The following WDR70 variants were observed in gnomAD, a reference collection of about 807,000 sequenced individuals.
WDR70 encodes WD repeat domain 70, also known as WD repeat-containing protein 70.
A neutral mutation model predicts 88.6 loss-of-function variants in WDR70; 53 were observed. That is an observed-to-expected ratio of 0.60 (90% confidence interval 0.48 to 0.75). The LOEUF is 0.75. WDR70 is among the 30% of genes least tolerant of loss of function. The probability of loss-of-function intolerance (pLI) is 0.00; values close to 1 mark genes in which losing one functional copy is unlikely to be tolerated. For synonymous variants in WDR70, 280 were observed against 270.0 expected (o/e 1.04, Z -0.36); for missense variants, 610 against 823.2 (o/e 0.74, Z 3.17).
chr5:37,443,197 T>C (rs1461316785), intron 6 of WDR70, 42 bp from the exon 7 acceptor site: 1 of 1,550,264 alleles, frequency 6.5e-7, no homozygotes, highest in Non-Finnish European at 8.7e-7. Flanking sequence ...TGACCATATG[T>C]CATTTTGCTC....
At chr5:37,569,457 C>T (rs1255732271) in intron 9 of WDR70, among the ~76,000 whole-genome samples, 1 of 152,234 alleles carries the variant, frequency 6.6e-6, no homozygotes, top group South Asian at 2.1e-4. Flanking sequence ...TGCAAATAAT[C>T]GTTTTTGTTG....
chr5:37,734,556 A>G (rs1748243576), intron 17 of WDR70, among the ~76,000 whole-genome samples: 1 of 152,180 alleles, frequency 6.6e-6, no homozygotes, highest in African/African-American at 2.4e-5. Context: ...TAAGAAGAAA[A>G]CTAAAAGAGG....
At chr5:37,743,970 C>A (rs570535092) in intron 17 of WDR70, among the ~76,000 whole-genome samples, 47 of 152,280 alleles carry the variant, frequency 3.1e-4, no homozygotes, top group African/African-American at 1.0e-3. Context: ...CTGGGTGAGA[C>A]CCTCCAACAG....
intron 17 of WDR70, among the ~76,000 whole-genome samples, chr5:37,746,420 T>C (rs1326517617): frequency 6.6e-6 from 1 of 151,550 alleles, no homozygotes; most frequent in East Asian, 1.9e-4. Flanking sequence ...AAGAAATAAC[T>C]AAGAGAAGAA....
intron 8 of WDR70, among the ~76,000 whole-genome samples, chr5:37,510,076 C>T (rs919495182): frequency 7.3e-5 from 11 of 150,078 alleles, no homozygotes; most frequent in African/African-American, 2.7e-4. Flanking sequence ...TAAACAAACA[C>T]TCCCCCCCCC....
chr5:37,692,336 A>T (rs911496766), intron 10 of WDR70, among the ~76,000 whole-genome samples: 2 of 152,196 alleles, frequency 1.3e-5, no homozygotes, highest in East Asian at 3.8e-4. Context: ...CAATCAATGG[A>T]AAAAGAGGGA....
intron 10 of WDR70, among the ~76,000 whole-genome samples, chr5:37,664,230 T>G (rs991023926): frequency 6.6e-6 from 1 of 152,208 alleles, no homozygotes; most frequent in Non-Finnish European, 1.5e-5. Flanking sequence ...AATACTCTTA[T>G]GACAATATTA....
At chr5:37,699,432 T>A (rs960552768) in intron 11 of WDR70, among the ~76,000 whole-genome samples, 1 of 108,158 alleles carries the variant, frequency 9.2e-6, no homozygotes, top group Non-Finnish European at 2.1e-5. Context: ...CACACTAGCT[T>A]TTGGATAACT....
chr5:37,581,895 T>A (rs1743227505), intron 9 of WDR70, among the ~76,000 whole-genome samples: 1 of 152,228 alleles, frequency 6.6e-6, no homozygotes, highest in Admixed American at 6.5e-5. Flanking sequence ...TGCTGAATAT[T>A]AGGGGGCATG....
chr5:37,528,903 AGG>A (rs746669315), intron 9 of WDR70, among the ~76,000 whole-genome samples: 6,932 of 86,954 alleles, frequency 0.08, 219 homozygotes, highest in South Asian at 0.11. Flanking sequence ...CAATGTCTAG[AGG>A]GGGTTTTTTT....
intron 9 of WDR70, among the ~76,000 whole-genome samples, chr5:37,591,170 T>C (rs1214014555): frequency 1.3e-5 from 2 of 152,006 alleles, no homozygotes; most frequent in Admixed American, 1.3e-4. Flanking sequence ...CTATCTCTTC[T>C]AAAAATACAA....
chr5:37,543,386 G>A (rs1241626549), intron 9 of WDR70, among the ~76,000 whole-genome samples: 2 of 152,038 alleles, frequency 1.3e-5, no homozygotes, highest in African/African-American at 2.4e-5. Flanking sequence ...ATGTTTTTTT[G>A]TTCTTAGAAG....
At chr5:37,712,685 TA>T (rs949249266) in intron 13 of WDR70, among the ~76,000 whole-genome samples, 21 of 151,628 alleles carry the variant, frequency 1.4e-4, no homozygotes, top group Middle Eastern at 3.4e-3. Context: ...ATTATCTCTT[TA>T]AAAAAAAACT....
rs575505732 is a variant in WDR70, at chr5:37,556,545, G to T, written c.917+39955G>T. Reference sequence around the variant, plus strand: ...CTTGATCTTAAGCAAACTTACTAATGATGTTTGAAATACCAAATGCTTTAT... The same window carrying T: ...CTTGATCTTAAGCAAACTTACTAATTATGTTTGAAATACCAAATGCTTTAT... On this transcript the variant is annotated intron_variant, in intron 9 of 17. Transcript: ENST00000265107. Among the ~76,000 whole-genome samples, 13 of 152,224 alleles carry T rather than the reference G, an allele frequency of 8.5e-5. No homozygotes were observed. In the South Asian group the frequency reaches 2.7e-3, roughly 32 times the overall value.
chr5:37,713,709 C>T (rs1053808819), intron 13 of WDR70, among the ~76,000 whole-genome samples: 1 of 152,056 alleles, frequency 6.6e-6, no homozygotes, highest in African/African-American at 2.4e-5. Flanking sequence ...TAAAAATGTT[C>T]AGAATGATAC....
At chr5:37,653,955 C>T (rs1745479696) in intron 10 of WDR70, among the ~76,000 whole-genome samples, 1 of 152,016 alleles carries the variant, frequency 6.6e-6, no homozygotes, top group South Asian at 2.1e-4. Context: ...CAGTTTTGCT[C>T]TGATCTTAGT....
chr5:37,585,560 A>G (rs1181491811), intron 9 of WDR70, among the ~76,000 whole-genome samples: 1 of 152,220 alleles, frequency 6.6e-6, no homozygotes, highest in Non-Finnish European at 1.5e-5. Flanking sequence ...AATTTGTACT[A>G]TTAGATGCAC....
chr5:37,432,563 A>AT (rs148199087), intron 5 of WDR70, among the ~76,000 whole-genome samples: 1,985 of 140,744 alleles, frequency 0.014, 41 homozygotes, highest in African/African-American at 0.041. Context: ...TAATTTTTGT[A>AT]TTTTTTTTTT....
At chr5:37,622,691 T>G (rs1258845038) in intron 10 of WDR70, among the ~76,000 whole-genome samples, 3 of 150,170 alleles carry the variant, frequency 2.0e-5, no homozygotes, top group African/African-American at 7.4e-5. Flanking sequence ...AATTGAACAG[T>G]GAGAACACAT....
Sources: allele counts gnomAD v4.1 joint callset (sites outside exome capture counted in the v4.1 genomes callset), GRCh38; gene constraint gnomAD v4.1.1; transcripts MANE v1.5; gene names NCBI Gene and HGNC (gene_info 2026-07-23, HGNC 2026-07-21).